Variants in SLF1 observed in about 807,000 individuals in gnomAD.
SLF1 encodes SMC5-SMC6 complex localization factor protein 1.
Under a neutral mutation model 123.0 loss-of-function variants are expected in SLF1, and 105 were observed. The observed-to-expected ratio is 0.85, with a 90% confidence interval of 0.73 to 1.00. SLF1 has a LOEUF of 1.00. SLF1 is among the 50% of genes least tolerant of loss of function. The pLI, the probability that SLF1 is intolerant of heterozygous loss-of-function variation, is 0.00. For missense variants in SLF1, 1,239 were observed against 1,223.0 expected (o/e 1.01, Z -0.20); for synonymous variants, 434 against 406.6 (o/e 1.07, Z -0.81).
intron 1 of SLF1, among the ~76,000 whole-genome samples, chr5:94,620,420 C>T (rs74401181): frequency 0.022 from 3,298 of 152,264 alleles, 62 homozygotes; most frequent in Non-Finnish European, 0.035. Flanking sequence ...AATGTGGTTA[C>T]TTTTCATAAT....
At chr5:94,650,536 G>C (rs1747577462) in intron 6 of SLF1, among the ~76,000 whole-genome samples, 1 of 151,880 alleles carries the variant, frequency 6.6e-6, no homozygotes, top group Non-Finnish European at 1.5e-5. Context: ...CTAATTTTTT[G>C]TATTTTCTTA....
At chr5:94,642,793 T>C (rs1254886913) in intron 4 of SLF1, among the ~76,000 whole-genome samples, 1 of 152,144 alleles carries the variant, frequency 6.6e-6, no homozygotes, top group Non-Finnish European at 1.5e-5. Context: ...TTTTGTAAAA[T>C]GTATTTCTTA....
intron 12 of SLF1, among the ~76,000 whole-genome samples, chr5:94,666,258 A>G (rs1749741484): frequency 6.6e-6 from 1 of 152,236 alleles, no homozygotes; most frequent in African/African-American, 2.4e-5. Context: ...TGGACTCACT[A>G]GAAAGCCAAA....
intron 4 of SLF1, among the ~76,000 whole-genome samples, chr5:94,632,089 A>G (rs902397339): frequency 2.0e-5 from 3 of 151,680 alleles, no homozygotes; most frequent in Admixed American, 2.0e-4. Context: ...TGGAGGCTGC[A>G]GAGAGCTATG....
intron 19 of SLF1, among the ~76,000 whole-genome samples, 162 bp downstream of exon 19, chr5:94,691,818 A>G (rs1203672587): frequency 1.3e-5 from 2 of 152,134 alleles, no homozygotes; most frequent in Non-Finnish European, 2.9e-5. Context: ...TCATATATTG[A>G]TTTATAACTA....
intron 1 of SLF1, among the ~76,000 whole-genome samples, chr5:94,621,461 T>C (rs1430688117): frequency 6.6e-6 from 1 of 152,196 alleles, no homozygotes; most frequent in Non-Finnish European, 1.5e-5. Context: ...CCATAAAAAT[T>C]AAATCCTGCT....
rs376437898 is a variant in SLF1, at chr5:94,688,560, A to G, written c.2176A>G (p.Ile726Val). ...GKTGVLGSGKIQVSKKIGQRP... is the reference protein window; with the variant it reads ...GKTGVLGSGKVQVSKKIGQRP... ...AACTGGTGTGCTTGGGTCTGGAAAG[A>G]TTCAGGTGTCAAAGAAAATAGGACA... The change falls in exon 17 of 21, where the codon ATT (isoleucine) becomes GTT (valine). Residue 726 changes from isoleucine (I) to valine (V), a missense_variant. Physicochemically the swap from Ile to Val is conservative, Grantham distance 29. Coordinates refer to ENST00000265140, the MANE Select transcript of SLF1 (RefSeq NM_032290.4). 65 of 1,614,004 alleles carry G rather than the reference A, an allele frequency of 4.0e-5. No individual in the cohort carries two copies. Among genetic ancestry groups the G allele is most frequent in the Non-Finnish European group, 5.3e-5 (63 of 1,179,992 alleles).
At chr5:94,691,724 A>G in intron 19 of SLF1, 68 bp downstream of exon 19, 7 of 1,180,928 alleles carry the variant, frequency 5.9e-6, no homozygotes, top group Middle Eastern at 4.9e-4. Context: ...GTTTTATATC[A>G]CATTAAGAAA....
At chr5:94,666,386 A>G (rs978007827) in intron 12 of SLF1, among the ~76,000 whole-genome samples, 1 of 152,212 alleles carries the variant, frequency 6.6e-6, no homozygotes, top group Non-Finnish European at 1.5e-5. Context: ...ATTTGTAACT[A>G]TAGTATCTAT....
At chr5:94,631,956 ATTTTTTTTTCTTTCTTTTTTTT>A (rs199810433) in intron 4 of SLF1, among the ~76,000 whole-genome samples, 3,051 of 141,600 alleles carry the variant, frequency 0.022, 207 homozygotes, top group East Asian at 0.15. Context: ...TCTCTACAAA[ATTTTTTTTTCTTTCTTTTTTTT>A]TTTTTTTTTT....
intron 1 of SLF1, among the ~76,000 whole-genome samples, chr5:94,625,046 T>G (rs1792105278): frequency 6.6e-6 from 1 of 150,922 alleles, no homozygotes; most frequent in Non-Finnish European, 1.5e-5. Flanking sequence ...ATAAAAAAAT[T>G]AGCCAGGCTG....
At chr5:94,629,210 T>C in intron 3 of SLF1, 43 bp downstream of exon 3, 1 of 1,434,096 alleles carries the variant, frequency 7.0e-7, no homozygotes, top group Non-Finnish European at 9.5e-7. Context: ...ACAATCTTCG[T>C]GTTAAAGCAA....
intron 20 of SLF1, 49 bp from the exon 21 acceptor site, chr5:94,694,782 C>T (rs1231059589): frequency 2.6e-6 from 4 of 1,512,110 alleles, no homozygotes; most frequent in Non-Finnish European, 2.6e-6. Context: ...TGTTAAGCTG[C>T]CAAAATAGAA....
chr5:94,640,264 A>G (rs1053735163), intron 4 of SLF1, among the ~76,000 whole-genome samples: 3 of 152,156 alleles, frequency 2.0e-5, no homozygotes, highest in African/African-American at 7.2e-5. Flanking sequence ...ATATAGAATT[A>G]TGGGTCGACA....
chr5:94,684,201 G>A (rs1041196887), intron 15 of SLF1, among the ~76,000 whole-genome samples: 2 of 152,218 alleles, frequency 1.3e-5, no homozygotes, highest in Non-Finnish European at 1.5e-5. Context: ...GAGTTCTTAC[G>A]TTAAGAGATC....
chr5:94,651,019 A>G (rs1028114176), intron 6 of SLF1, among the ~76,000 whole-genome samples: 5 of 152,230 alleles, frequency 3.3e-5, no homozygotes, highest in African/African-American at 9.6e-5. Context: ...TTGGTCAACA[A>G]CGGACCCCAT....
chr5:94,675,733 A>G (rs779532850), intron 14 of SLF1, among the ~76,000 whole-genome samples: 5 of 152,150 alleles, frequency 3.3e-5, no homozygotes, highest in African/African-American at 9.7e-5. Flanking sequence ...CTTTTTTATC[A>G]TAGTAAAAAA....
rs1015223762 is a variant in SLF1, at chr5:94,681,795, A to G, written c.1975+2840A>G. On this transcript the variant is annotated intron_variant, in intron 15 of 20. Transcript: ENST00000265140. ...AGTTTACTGAGAATGATGATTTCCA[A>G]TTTCATCCATGTCTAGTTTTTTCTT... 3.3e-5 allele frequency among the ~76,000 whole-genome samples: 5 copies of G among 151,924 alleles called. No individual in the cohort carries two copies. The East Asian group carries it at 5.8e-4, about 18-fold the overall frequency.
chr5:94,639,116 C>A (rs1432728450), intron 4 of SLF1, among the ~76,000 whole-genome samples: 1 of 137,312 alleles, frequency 7.3e-6, no homozygotes, highest in African/African-American at 2.7e-5. Flanking sequence ...TCTTGGCTCA[C>A]TGCAACCTCT....
Sources: allele counts gnomAD v4.1 joint callset (sites outside exome capture counted in the v4.1 genomes callset), GRCh38; gene constraint gnomAD v4.1.1; transcripts MANE v1.5; gene names NCBI Gene and HGNC (gene_info 2026-07-23, HGNC 2026-07-21).